The following REEP1 variants were observed in gnomAD, a reference collection of about 807,000 sequenced individuals.
REEP1 encodes the protein receptor expression-enhancing protein 1.
A neutral mutation model predicts 40.3 loss-of-function variants in REEP1; 22 were observed. The ratio of observed to expected loss-of-function variants is 0.55; its 90% CI spans 0.39 to 0.78. REEP1 has a LOEUF of 0.78. Ranked by LOEUF, REEP1 falls within the 30% of genes least tolerant of loss-of-function variation. The pLI is 0.00. For missense variants in REEP1, 280 were observed against 361.1 expected, an observed-to-expected ratio of 0.78 and a Z score of 1.82; for synonymous variants, 116 against 139.2, an observed-to-expected ratio of 0.83 and a Z score of 1.17.
intron 1 of REEP1, among the ~76,000 whole-genome samples, chr2:86,324,880 A>G (rs1034620665): frequency 6.6e-6 from 1 of 152,208 alleles, no homozygotes; most frequent in Non-Finnish European, 1.5e-5. Context: ...CAACCTAAAC[A>G]TTCATCAACA....
In REEP1 at chr2:86,334,260, G is replaced by A. The variant is rs550502966; in HGVS notation, c.32+3219C>T. Among the ~76,000 whole-genome samples, 28 of 152,264 alleles carry A rather than the reference G, an allele frequency of 1.8e-4. No homozygotes were observed. The East Asian group carries it at 3.7e-3, about 20-fold the overall frequency. On this transcript the variant is annotated intron_variant, in intron 1 of 8. Transcript: ENST00000538924. ...TCAGCTTGTTGTGATACCTCTGGTC[G>A]GATGGTTGGGACCACACAAAGACAG...
At chr2:86,236,240 C>T (rs1055809453) in intron 5 of REEP1, among the ~76,000 whole-genome samples, 1 of 151,546 alleles carries the variant, frequency 6.6e-6, no homozygotes, top group Non-Finnish European at 1.5e-5. Flanking sequence ...AATCAACATG[C>T]CTCTCTCTTT....
intron 2 of REEP1, among the ~76,000 whole-genome samples, chr2:86,276,894 T>C (rs1677783694): frequency 6.6e-6 from 1 of 152,332 alleles, no homozygotes; most frequent in African/African-American, 2.4e-5. Context: ...CCCCTGTTCA[T>C]TCATATGCAT....
chr2:86,218,658 C>T (rs1187725405), intron 8 of REEP1, among the ~76,000 whole-genome samples: 1 of 152,224 alleles, frequency 6.6e-6, no homozygotes, highest in African/African-American at 2.4e-5. Context: ...AGGCTGGGCT[C>T]CTCTCCCCAT....
intron 8 of REEP1, 114 bp downstream of exon 8, chr2:86,219,856 C>T (rs1429784440): frequency 1.4e-6 from 1 of 740,008 alleles, no homozygotes; most frequent in Admixed American, 4.3e-5. Context: ...CTTTCCACCC[C>T]AGGTATTGAG....
intron 7 of REEP1, among the ~76,000 whole-genome samples, chr2:86,222,049 T>C (rs1054478206): frequency 6.6e-6 from 1 of 152,074 alleles, no homozygotes; most frequent in African/African-American, 2.4e-5. Context: ...GTACTGATGG[T>C]TGTGGGTGTC....
intron 2 of REEP1, among the ~76,000 whole-genome samples, chr2:86,268,431 G>A (rs567429660): frequency 6.6e-6 from 1 of 152,236 alleles, no homozygotes; most frequent in African/African-American, 2.4e-5. Context: ...TATCAAACAG[G>A]ATATGTAAAA....
At chr2:86,234,794 G>A (rs1675220091) in intron 5 of REEP1, among the ~76,000 whole-genome samples, 1 of 152,198 alleles carries the variant, frequency 6.6e-6, no homozygotes, top group African/African-American at 2.4e-5. Context: ...GTCCTTGGCA[G>A]GAACAGCTGG....
chr2:86,304,635 C>T (rs898087579), intron 1 of REEP1, among the ~76,000 whole-genome samples: 12 of 152,206 alleles, frequency 7.9e-5, no homozygotes, highest in African/African-American at 2.7e-4. Flanking sequence ...CTCCAGCTTA[C>T]ATCAAGGATG....
chr2:86,245,938 G>T (rs1250962022), intron 5 of REEP1, among the ~76,000 whole-genome samples: 1 of 151,854 alleles, frequency 6.6e-6, no homozygotes, highest in African/African-American at 2.4e-5. Flanking sequence ...CTAATTTTTT[G>T]TATTTTTAGT....
rs1558870362 is a variant in REEP1 at position 86,226,400 on chromosome 2, TCCTCTGAAG to T, written c.631+954_631+962del. On this transcript the variant is annotated intron_variant, in intron 7 of 8. Coordinates refer to ENST00000538924, the MANE Select transcript of REEP1 (RefSeq NM_001371279.1). ...ACTTCATCATTTCAGAGGACCTTAG[TCCTCTGAAG>T]TTCCTGTGTCCTTACCTGGAGCACA... Among the ~76,000 whole-genome samples the T allele has an allele frequency of 1.5e-3, 96 of 65,842 alleles. 11 individuals are homozygous for T. Among genetic ancestry groups the T allele is most frequent in the Non-Finnish European group, 2.2e-3 (40 of 18,576 alleles). 43.2% of individuals were successfully genotyped at this position (65,842 alleles called of 152,430 possible).
chr2:86,217,666 ATT>A lies in REEP1; in HGVS notation c.784-558_784-557del, dbSNP rs10668934. Among the ~76,000 whole-genome samples the A allele has an allele frequency of 9.3e-3, 1,046 of 112,796 alleles. 14 individuals carry two copies. The highest frequency in any genetic ancestry group is 0.013 in the African/African-American group (418 of 32,204). The allele number at this position is 112,796 out of a possible 152,430, so 74.0% of individuals were successfully genotyped here. ...GAGTCAGAAGTGTTTGGGATTTCAG[ATT>A]TTTTTTTTTTTTTTTTCAGATTTTG... On this transcript the variant is annotated intron_variant, in intron 8 of 8. Transcript: ENST00000538924.
At chr2:86,217,237 G>C (rs1239351789) in intron 8 of REEP1, 127 bp from the exon 9 acceptor site, 19 of 772,224 alleles carry the variant, frequency 2.5e-5, no homozygotes, top group Non-Finnish European at 3.9e-5. Flanking sequence ...GCTAGGGCTG[G>C]GGTCTCCCTG....
intron 1 of REEP1, among the ~76,000 whole-genome samples, chr2:86,285,643 C>T (rs879888480): frequency 3.3e-5 from 5 of 152,200 alleles, no homozygotes; most frequent in Admixed American, 6.5e-5. Context: ...CAGAGCCTGC[C>T]TTCTCCCGGG....
At chr2:86,314,589 G>A (rs891328910) in intron 1 of REEP1, among the ~76,000 whole-genome samples, 13 of 151,750 alleles carry the variant, frequency 8.6e-5, no homozygotes, top group African/African-American at 2.9e-4. Context: ...TTAGGTCTGG[G>A]CAGGTAGAAG....
At chr2:86,335,262 G>C (rs1304237421) in intron 1 of REEP1, among the ~76,000 whole-genome samples, 1 of 152,050 alleles carries the variant, frequency 6.6e-6, no homozygotes, top group Non-Finnish European at 1.5e-5. Flanking sequence ...TCATGAAACA[G>C]GTATTGCTTA....
At chr2:86,247,984 C>T (rs967638583) in intron 5 of REEP1, among the ~76,000 whole-genome samples, 20 of 152,110 alleles carry the variant, frequency 1.3e-4, no homozygotes, top group Admixed American at 1.0e-3. Flanking sequence ...CAGGGCTCAA[C>T]ATTATTTTTG....
intron 2 of REEP1, among the ~76,000 whole-genome samples, chr2:86,265,925 C>G (rs540380414): frequency 1.5e-3 from 227 of 152,072 alleles, no homozygotes; most frequent in Middle Eastern, 3.4e-3. Context: ...ACTTGTACCC[C>G]CTAAAGCTAT....
chr2:86,325,258 T>A (rs948561674), intron 1 of REEP1, among the ~76,000 whole-genome samples: 4 of 152,090 alleles, frequency 2.6e-5, no homozygotes, highest in East Asian at 1.9e-4. Context: ...TTAAAAAAAA[T>A]TTTAAAAAAG....
Sources: gnomAD v4.1 joint callset for allele counts (sites outside exome capture counted in the v4.1 genomes callset) on GRCh38, gnomAD v4.1.1 for gene constraint, MANE v1.5 for transcripts, NCBI Gene and HGNC (gene_info 2026-07-23, HGNC 2026-07-21) for gene names.